ATG10: variants seen among roughly 807,000 people sequenced by gnomAD.
ATG10 encodes the protein ubiquitin-like-conjugating enzyme ATG10.
A neutral mutation model predicts 32.1 loss-of-function variants in ATG10; 30 were observed. That is an observed-to-expected ratio of 0.94 (90% CI 0.70 to 1.27). The LOEUF (loss-of-function observed/expected upper bound fraction) is 1.27. Among genes scored for constraint, ATG10 ranks in the 50% most tolerant of loss-of-function variants. The probability of loss-of-function intolerance (pLI) is 0.00; values close to 1 mark genes in which losing one functional copy is unlikely to be tolerated. For missense variants in ATG10, 233 were observed against 262.3 expected (o/e 0.89, Z 0.77); for synonymous variants, 87 against 91.5 (o/e 0.95, Z 0.28).
chr5:82,162,169 T>C (rs1743379504), intron 3 of ATG10, among the ~76,000 whole-genome samples: 2 of 152,186 alleles, frequency 1.3e-5, no homozygotes, highest in Admixed American at 6.5e-5. Context: ...TTATTTCCGA[T>C]GTACAAAGAG....
At chr5:82,194,170 G>C (rs1031264306) in intron 5 of ATG10, among the ~76,000 whole-genome samples, 3 of 152,138 alleles carry the variant, frequency 2.0e-5, no homozygotes, top group African/African-American at 7.2e-5. Context: ...ACTATTATTT[G>C]TGTGTGTTAG....
At chr5:82,209,445 T>C (rs892482378) in intron 5 of ATG10, among the ~76,000 whole-genome samples, 1 of 152,138 alleles carries the variant, frequency 6.6e-6, no homozygotes, top group Admixed American at 6.5e-5. Flanking sequence ...CTCAGAGAAC[T>C]GCCTGCCTCT....
intron 3 of ATG10, among the ~76,000 whole-genome samples, chr5:82,083,194 G>C (rs1048655724): frequency 6.6e-6 from 1 of 152,194 alleles, no homozygotes; most frequent in Admixed American, 6.5e-5. Flanking sequence ...TCCTGTGCCT[G>C]GCTCGTAGAA....
At chr5:82,149,362 G>A (rs923464050) in intron 3 of ATG10, among the ~76,000 whole-genome samples, 1 of 149,614 alleles carries the variant, frequency 6.7e-6, no homozygotes, top group African/African-American at 2.5e-5. Context: ...TTTCCAAATA[G>A]ATTATTTACA....
intron 2 of ATG10, among the ~76,000 whole-genome samples, chr5:82,022,683 G>A (rs1762478483): frequency 7.0e-6 from 1 of 142,234 alleles, no homozygotes; most frequent in Non-Finnish European, 1.5e-5. Context: ...ACCATTAACT[G>A]TGCTGTTATT....
chr5:82,255,119 A>G lies in ATG10; in HGVS notation c.*1056A>G, dbSNP rs117718933. 6.6e-6 allele frequency: 1 copy of G among 152,152 alleles called. No individual in the cohort carries two copies. The highest frequency in any genetic ancestry group is 1.9e-4 in the East Asian group (1 of 5,182). 9.4% of individuals were successfully genotyped at this position (152,152 alleles called of 1,614,324 possible). On this transcript the variant is annotated 3_prime_UTR_variant, in exon 8 of 8. Transcript: ENST00000282185. ...GGTCATTTTACCCCTCTGCTTCTCAACCCCACAGCTGCTCTGCTGTACTCT... is the reference window on the plus strand; with the variant it reads ...GGTCATTTTACCCCTCTGCTTCTCAGCCCCACAGCTGCTCTGCTGTACTCT...
At chr5:82,127,864 T>A (rs1766344023) in intron 3 of ATG10, among the ~76,000 whole-genome samples, 1 of 152,118 alleles carries the variant, frequency 6.6e-6, no homozygotes, top group Non-Finnish European at 1.5e-5. Flanking sequence ...TTGATCTATC[T>A]AATATTGACA....
Position 81,972,112 on chromosome 5 carries a change from G to T in ATG10, c.-207G>T, listed in dbSNP as rs1448193957. ...AGGAGGCCACGGCCACTTCTGGTTG[G>T]CCTCGGGGCGCGCTGGCTCGGCTCT... On this transcript the variant is annotated 5_prime_UTR_variant, in exon 1 of 8. Coordinates refer to ENST00000282185, the MANE Select transcript of ATG10 (RefSeq NM_031482.5). The T allele has an allele frequency of 6.6e-6, 1 of 152,160 alleles. No homozygotes were observed. Among genetic ancestry groups the T allele is most frequent in the East Asian group, 1.9e-4 (1 of 5,186 alleles). The allele number at this position is 152,160 out of a possible 1,614,324, so 9.4% of individuals were successfully genotyped here.
At chr5:82,194,088 T>G (rs1307116678) in intron 5 of ATG10, among the ~76,000 whole-genome samples, 1 of 152,210 alleles carries the variant, frequency 6.6e-6, no homozygotes, top group Non-Finnish European at 1.5e-5. Context: ...TCTCAAGAAA[T>G]TATTGTGTCA....
At chr5:82,045,959 G>T (rs1433992415) in intron 2 of ATG10, among the ~76,000 whole-genome samples, 1 of 152,108 alleles carries the variant, frequency 6.6e-6, no homozygotes, top group Non-Finnish European at 1.5e-5. Context: ...TTGTACTACC[G>T]TGCAGCCTTC....
intron 2 of ATG10, among the ~76,000 whole-genome samples, chr5:82,025,107 A>G (rs1278008438): frequency 1.3e-5 from 2 of 152,240 alleles, no homozygotes; most frequent in Non-Finnish European, 2.9e-5. Flanking sequence ...GACAAGTTTC[A>G]TTTACTTCTC....
chr5:82,030,116 G>T (rs1322198614), intron 2 of ATG10, among the ~76,000 whole-genome samples: 3 of 152,098 alleles, frequency 2.0e-5, no homozygotes, highest in Admixed American at 2.0e-4. Flanking sequence ...TGTAGGATGT[G>T]GCCTACAATG....
chr5:82,018,288 AT>A (rs1303939476), intron 2 of ATG10, among the ~76,000 whole-genome samples: 3 of 152,066 alleles, frequency 2.0e-5, no homozygotes, highest in African/African-American at 7.2e-5. Flanking sequence ...CATCTAATCC[AT>A]TAGGAAATCC....
intron 2 of ATG10, among the ~76,000 whole-genome samples, chr5:82,033,965 T>G (rs554679279): frequency 6.8e-6 from 1 of 147,792 alleles, no homozygotes; most frequent in Non-Finnish European, 1.5e-5. Context: ...TATATACATA[T>G]ATAGTATATA....
intron 3 of ATG10, among the ~76,000 whole-genome samples, chr5:82,155,674 T>A (rs1168095442): frequency 6.6e-6 from 1 of 152,214 alleles, no homozygotes; most frequent in Non-Finnish European, 1.5e-5. Context: ...CAAATAAATT[T>A]ATTCATATTA....
intron 5 of ATG10, among the ~76,000 whole-genome samples, chr5:82,208,983 A>G (rs532151349): frequency 1.3e-5 from 2 of 152,180 alleles, no homozygotes; most frequent in Admixed American, 1.3e-4. Flanking sequence ...GTCCTTGTCA[A>G]TTTTAGAGAT....
chr5:82,192,709 TATC>T (rs1035289606), intron 5 of ATG10, among the ~76,000 whole-genome samples: 3 of 152,212 alleles, frequency 2.0e-5, no homozygotes, highest in African/African-American at 7.2e-5. Flanking sequence ...GAATATTTAT[TATC>T]ATTAATCCAT....
intron 3 of ATG10, among the ~76,000 whole-genome samples, chr5:82,061,904 A>T (rs1482128220): frequency 1.5e-5 from 2 of 133,242 alleles, no homozygotes; most frequent in Non-Finnish European, 3.0e-5. Context: ...GTCATAGCTC[A>T]CTGAATCATC....
intron 3 of ATG10, among the ~76,000 whole-genome samples, chr5:82,150,400 A>G (rs187644509): frequency 6.6e-6 from 1 of 152,226 alleles, no homozygotes; most frequent in Admixed American, 6.5e-5. Context: ...TTTTCTTCCC[A>G]TGCAAATAAT....
Sources: gnomAD v4.1 joint callset for allele counts (sites outside exome capture counted in the v4.1 genomes callset) on GRCh38, gnomAD v4.1.1 for gene constraint, MANE v1.5 for transcripts, NCBI Gene and HGNC (gene_info 2026-07-23, HGNC 2026-07-21) for gene names.